PCCA: variants seen among roughly 807,000 people sequenced by gnomAD.
The protein encoded by PCCA is propionyl-CoA carboxylase subunit alpha, also known as propionyl-CoA carboxylase alpha chain, mitochondrial.
Under a neutral mutation model 101.3 loss-of-function variants are expected in PCCA, and 74 were observed. The observed-to-expected ratio is 0.73, with a 90% confidence interval of 0.61 to 0.89. The LOEUF is 0.89. Ranked by LOEUF, PCCA falls within the 40% of genes least tolerant of loss-of-function variation. The probability of loss-of-function intolerance (pLI) is 0.00; values close to 1 mark genes in which losing one functional copy is unlikely to be tolerated. For missense variants in PCCA, 891 were observed against 907.0 expected, an observed-to-expected ratio of 0.98 and a Z score of 0.23; for synonymous variants, 294 against 313.6, an observed-to-expected ratio of 0.94 and a Z score of 0.66.
At chr13:100,529,539 C>T (rs1036891444) in intron 23 of PCCA, among the ~76,000 whole-genome samples, 8 of 152,170 alleles carry the variant, frequency 5.3e-5, no homozygotes, top group Admixed American at 3.3e-4. Flanking sequence ...TTCCACCCAC[C>T]CATGGTGCTG....
chr13:100,495,606 G>A (rs1007352632), intron 21 of PCCA, among the ~76,000 whole-genome samples: 3 of 152,064 alleles, frequency 2.0e-5, no homozygotes, highest in African/African-American at 4.8e-5. Flanking sequence ...ACCTTTTCCT[G>A]CTCTGCTGTC....
intron 11 of PCCA, among the ~76,000 whole-genome samples, chr13:100,269,260 G>A (rs1319052604): frequency 1.3e-5 from 2 of 152,166 alleles, no homozygotes; most frequent in Non-Finnish European, 2.9e-5. Context: ...TTTCCTCAGT[G>A]CTTTAATGTG....
chr13:100,377,612 A>G (rs2075995348), intron 19 of PCCA, among the ~76,000 whole-genome samples: 1 of 152,084 alleles, frequency 6.6e-6, no homozygotes, highest in Admixed American at 6.6e-5. Flanking sequence ...CTCCTGCCTC[A>G]GCCTCTCGAG....
intron 19 of PCCA, among the ~76,000 whole-genome samples, chr13:100,400,890 T>A (rs1272845594): frequency 6.6e-6 from 1 of 152,110 alleles, no homozygotes; most frequent in South Asian, 2.1e-4. Context: ...ACTCCCAAAG[T>A]GTTAGGATTA....
chr13:100,166,500 T>C (rs2055046719), intron 6 of PCCA, among the ~76,000 whole-genome samples: 2 of 152,184 alleles, frequency 1.3e-5, no homozygotes, highest in South Asian at 4.1e-4. Context: ...GATTTTGTCA[T>C]GTTGGCCAGG....
intron 12 of PCCA, among the ~76,000 whole-genome samples, chr13:100,287,118 G>A (rs1316489049): frequency 6.6e-6 from 1 of 151,826 alleles, no homozygotes; most frequent in Non-Finnish European, 1.5e-5. Context: ...GTAATAATTC[G>A]AAGTGCTATC....
intron 19 of PCCA, among the ~76,000 whole-genome samples, chr13:100,372,736 A>AGTTT (rs762194961): frequency 1.3e-4 from 20 of 151,926 alleles, no homozygotes; most frequent in South Asian, 4.2e-4. Context: ...AGATGATAAG[A>AGTTT]GTTTGTTTGT....
chr13:100,234,445 A>C (rs2060663802), intron 7 of PCCA, among the ~76,000 whole-genome samples: 1 of 151,948 alleles, frequency 6.6e-6, no homozygotes, highest in African/African-American at 2.4e-5. Context: ...TATTTGGAAA[A>C]TCTCATTAGC....
chr13:100,186,284 G>A (rs986523266), intron 6 of PCCA, among the ~76,000 whole-genome samples: 17 of 152,122 alleles, frequency 1.1e-4, no homozygotes, highest in Non-Finnish European at 2.9e-5. Flanking sequence ...AAACAATTGT[G>A]TATCTGTACA....
intron 12 of PCCA, among the ~76,000 whole-genome samples, chr13:100,296,236 CTTTTTTA>C (rs1009015605): frequency 1.3e-5 from 2 of 151,560 alleles, no homozygotes; most frequent in South Asian, 2.1e-4. Flanking sequence ...TTTTTATTAA[CTTTTTTA>C]TTTTTTATTT....
chr13:100,307,982 C>G (rs1202942832), intron 15 of PCCA, among the ~76,000 whole-genome samples: 1 of 152,154 alleles, frequency 6.6e-6, no homozygotes, highest in Non-Finnish European at 1.5e-5. Context: ...CCTCAGCCTC[C>G]TGAGTAGCTG....
intron 18 of PCCA, among the ~76,000 whole-genome samples, chr13:100,341,999 A>G (rs564827171): frequency 1.4e-5 from 2 of 143,294 alleles, no homozygotes; most frequent in African/African-American, 5.2e-5. Flanking sequence ...ATGTGTGTGT[A>G]TATATATGTA....
chr13:100,327,862 GTTTT>G (rs968412834), intron 16 of PCCA, among the ~76,000 whole-genome samples: 8 of 152,248 alleles, frequency 5.3e-5, no homozygotes, highest in African/African-American at 1.7e-4. Context: ...TACTTGGTGT[GTTTT>G]TTGTCTTATA....
At chr13:100,137,818 T>TA (rs397953641) in intron 4 of PCCA, among the ~76,000 whole-genome samples, 1 of 147,962 alleles carries the variant, frequency 6.8e-6, no homozygotes, top group African/African-American at 2.5e-5. Flanking sequence ...TTTTTTTTTT[T>TA]ATTTTTTTCG....
chr13:100,455,355 C>T (rs896903246), intron 21 of PCCA, among the ~76,000 whole-genome samples: 2 of 152,146 alleles, frequency 1.3e-5, no homozygotes, highest in Non-Finnish European at 2.9e-5. Context: ...AACATCTTCC[C>T]GACTTGTATC....
chr13:100,115,850 A>G (rs1019215670), intron 4 of PCCA, among the ~76,000 whole-genome samples: 1 of 152,250 alleles, frequency 6.6e-6, no homozygotes, highest in Non-Finnish European at 1.5e-5. Context: ...ATTATGATAC[A>G]TAATTTATAA....
intron 18 of PCCA, among the ~76,000 whole-genome samples, chr13:100,342,761 G>A (rs745626730): frequency 1.5e-5 from 2 of 132,426 alleles, no homozygotes; most frequent in Admixed American, 8.1e-5. Context: ...TGCTTTTGTC[G>A]CCCAGGCTGA....
chr13:100,263,818 A>G (rs1163953685), intron 10 of PCCA, among the ~76,000 whole-genome samples: 1 of 117,248 alleles, frequency 8.5e-6, no homozygotes, highest in Non-Finnish European at 2.0e-5. Flanking sequence ...GTATCTGTAT[A>G]TCATATATAT....
In PCCA at chr13:100,273,178, A is replaced by T. The variant is rs780272314; in HGVS notation, c.915-18A>T. ...ATTTTTGTCCGAAATGTAGACAAAC[A>T]TTTTTTTGTATATGTAGCATTTTTT... On this transcript the variant is annotated intron_variant, in intron 11 of 23. Coordinates refer to ENST00000376285, the MANE Select transcript of PCCA (RefSeq NM_000282.4). The T allele has an allele frequency of 4.4e-6, 7 of 1,606,482 alleles. No homozygotes were observed. The Admixed American group carries it at 1.2e-4, about 27-fold the overall frequency.
Sources: gnomAD v4.1 joint callset for allele counts (sites outside exome capture counted in the v4.1 genomes callset) on GRCh38, gnomAD v4.1.1 for gene constraint, MANE v1.5 for transcripts, NCBI Gene and HGNC (gene_info 2026-07-23, HGNC 2026-07-21) for gene names.